Variants in PSMA4 observed in about 807,000 individuals in gnomAD.
The protein encoded by PSMA4 is proteasome 20S subunit alpha 4.
A neutral mutation model predicts 37.2 loss-of-function variants in PSMA4; 8 were observed. The ratio of observed to expected loss-of-function variants is 0.22; its 90% CI spans 0.13 to 0.39. PSMA4 has a LOEUF of 0.39. Ranked by LOEUF, PSMA4 falls within the 10% of genes least tolerant of loss-of-function variation. The pLI, the probability that PSMA4 is intolerant of heterozygous loss-of-function variation, is 1.00. For synonymous variants in PSMA4, 93 were observed against 98.8 expected, an observed-to-expected ratio of 0.94 and a Z score of 0.35; for missense variants, 169 against 305.1, an observed-to-expected ratio of 0.55 and a Z score of 3.32.
intron 8 of PSMA4, among the ~76,000 whole-genome samples, chr15:78,548,124 A>G (rs113317938): frequency 0.03 from 4,518 of 151,972 alleles, 238 homozygotes; most frequent in African/African-American, 0.1. Flanking sequence ...CCTGCTACTC[A>G]GGAGGCTGAA....
intron 7 of PSMA4, among the ~76,000 whole-genome samples, chr15:78,546,239 T>G (rs1188904629): frequency 6.6e-6 from 1 of 151,920 alleles, no homozygotes; most frequent in Non-Finnish European, 1.5e-5. Flanking sequence ...AGCTCAGGAG[T>G]TCGAGACCAG....
rs2052458963 is a variant in PSMA4 at position 78,541,870 on chromosome 15, C to G, written c.-23-35C>G. Reference sequence around the variant, plus strand: ...AGCAAATGCTTTTTAATTTGTGAATCTTATTTTAATGATGATCTGATTTTC... The same window carrying G: ...AGCAAATGCTTTTTAATTTGTGAATGTTATTTTAATGATGATCTGATTTTC... On this transcript the variant is annotated intron_variant, in intron 1 of 8. Transcript: ENST00000044462. The G allele has an allele frequency of 6.0e-6, 9 of 1,497,916 alleles. No homozygotes were observed. The South Asian group carries it at 9.1e-5, about 15-fold the overall frequency. The allele number at this position is 1,497,916 out of a possible 1,614,324, so 92.8% of individuals were successfully genotyped here. A position where few individuals can be genotyped will look rare whatever the true frequency, so the allele number is the denominator to read the frequency against.
At position 78,551,661 on chromosome 15, in the gene PSMA4, G is replaced by A. The variant is rs1318163054; in HGVS notation, c.*2717G>A. 7 of 151,678 alleles carry A rather than the reference G, an allele frequency of 4.6e-5. No individual in the cohort carries two copies. Among genetic ancestry groups the A allele is most frequent in the Non-Finnish European group, 7.4e-5 (5 of 67,980 alleles). The allele number at this position is 151,678 out of a possible 1,614,324, so 9.4% of individuals were successfully genotyped here. A position where few individuals can be genotyped will look rare whatever the true frequency, so the allele number is the denominator to read the frequency against. On this transcript the variant is annotated 3_prime_UTR_variant, in exon 9 of 9. Transcript: ENST00000044462. The stretch of plus-strand genomic sequence containing the variant: ...AGTACTTTGTTTTCATTCAATAGTC[G>A]TGTCTCGGTACCTAGAACAGAAACT...
intron 1 of PSMA4, chr15:78,541,220 A>G (rs1323175184): frequency 2.6e-5 from 4 of 152,010 alleles, no homozygotes. Flanking sequence ...CCTATATTCC[A>G]GTATTTGGAA....
intron 1 of PSMA4, chr15:78,541,395 CTCTG>C (rs2052449815): frequency 1.3e-5 from 2 of 158,728 alleles, no homozygotes; most frequent in African/African-American, 4.8e-5. Flanking sequence ...GCTTTCAAGG[CTCTG>C]CGTGATTTGG....
chr15:78,545,261 A>G (rs974208452), intron 6 of PSMA4, among the ~76,000 whole-genome samples: 1 of 152,250 alleles, frequency 6.6e-6, no homozygotes, highest in Non-Finnish European at 1.5e-5. Flanking sequence ...CTACAGTAGT[A>G]TAGAACACTA....
rs2052539281 is a variant in PSMA4, at chr15:78,545,665, C to T, written c.408C>T (p.Tyr136=). 4 of 1,613,988 alleles carry T rather than the reference C, an allele frequency of 2.5e-6. No homozygotes were observed. Among genetic ancestry groups the T allele is most frequent in the Non-Finnish European group, 3.4e-6 (4 of 1,179,888 alleles). Residue 136 remains tyrosine, a synonymous_variant, in exon 7 of 9, where the codon TAC becomes TAT. Transcript: ENST00000044462. ...GKRPFGVSLL[Y]IGWDKHYGFQ... is the part of the protein sequence containing the mutation. ...GTCCCTTTGGTGTTTCATTGCTGTA[C>T]ATTGGCTGGGATAAGCACTATGGCT...
In PSMA4 at chr15:78,549,607, G is replaced by A. The variant is rs930605065; in HGVS notation, c.*663G>A. 7.9e-5 allele frequency: 12 copies of A among 152,232 alleles called. No homozygotes were observed. Among genetic ancestry groups the A allele is most frequent in the African/African-American group, 2.9e-4 (12 of 41,466 alleles). The allele number at this position is 152,232 out of a possible 1,614,324, so 9.4% of individuals were successfully genotyped here. A position where few individuals can be genotyped will look rare whatever the true frequency, so the allele number is the denominator to read the frequency against. On this transcript the variant is annotated 3_prime_UTR_variant, in exon 9 of 9. Coordinates refer to ENST00000044462, the MANE Select transcript of PSMA4 (RefSeq NM_002789.6). ...ATGACAGAAGTGATACAGGGCAGTG[G>A]TACTTAATGCGTAGCCATGGTGCTT...
chr15:78,544,141 C>A, intron 4 of PSMA4, 49 bp from the exon 5 acceptor site: 1 of 1,402,542 alleles, frequency 7.1e-7, no homozygotes. Context: ...ATAAACACTC[C>A]TTGCAAGCAT....
At chr15:78,544,434 G>GC (rs1475093593) in intron 5 of PSMA4, 167 bp downstream of exon 5, 1 of 532,136 alleles carries the variant, frequency 1.9e-6, no homozygotes, top group Non-Finnish European at 3.3e-6. Flanking sequence ...TCCTGCCTCA[G>GC]CCTCCCAAGT....
At chr15:78,547,301 A>G (rs1040646506) in intron 8 of PSMA4, among the ~76,000 whole-genome samples, 1 of 152,192 alleles carries the variant, frequency 6.6e-6, no homozygotes, top group Non-Finnish European at 1.5e-5. Flanking sequence ...GCACTGTGCT[A>G]CTTTTAGTTA....
intron 8 of PSMA4, among the ~76,000 whole-genome samples, 192 bp downstream of exon 8, chr15:78,546,890 C>T (rs572242256): frequency 6.6e-6 from 1 of 152,054 alleles, no homozygotes; most frequent in African/African-American, 2.4e-5. Context: ...CTCAGCCTGC[C>T]GAGTAGCTGG....
chr15:78,547,474 A>T (rs2052573886), intron 8 of PSMA4, among the ~76,000 whole-genome samples: 1 of 152,178 alleles, frequency 6.6e-6, no homozygotes, highest in African/African-American at 2.4e-5. Flanking sequence ...TAATCTACTA[A>T]TCTCTTATTT....
At position 78,545,630 on chromosome 15, in the gene PSMA4, A is replaced by G. The variant is rs2052538728; in HGVS notation, c.377-4A>G. 1.9e-6 allele frequency: 3 copies of G among 1,613,530 alleles called. No individual in the cohort carries two copies. Among genetic ancestry groups the G allele is most frequent in the Non-Finnish European group, 2.5e-6 (3 of 1,179,658 alleles). On this transcript the variant is annotated splice_region_variant and splice_polypyrimidine_tract_variant and intron_variant, in intron 6 of 8. Coordinates refer to ENST00000044462, the MANE Select transcript of PSMA4 (RefSeq NM_002789.6). ...ATATGTTTGGCTTTTTTTCTTTGTT[A>G]AAGGAAAACGTCCCTTTGGTGTTTC...
chr15:78,546,408 C>T (rs2052553020), intron 7 of PSMA4, among the ~76,000 whole-genome samples, 167 bp from the exon 8 acceptor site: 1 of 150,564 alleles, frequency 6.6e-6, no homozygotes, highest in Non-Finnish European at 1.5e-5. Flanking sequence ...GAGATCATGC[C>T]ACTACACTCC....
At chr15:78,542,023 G>A in intron 2 of PSMA4, 93 bp downstream of exon 2, 3 of 1,503,950 alleles carry the variant, frequency 2.0e-6, no homozygotes, top group Non-Finnish European at 2.7e-6. Context: ...TGAAATAGAA[G>A]GAAAGCAGTG....
At position 78,541,895 on chromosome 15, in the gene PSMA4, C is replaced by A. The variant is rs763376178; in HGVS notation, c.-23-10C>A. On this transcript the variant is annotated splice_polypyrimidine_tract_variant and intron_variant, in intron 1 of 8. Transcript: ENST00000044462. ...CTTATTTTAATGATGATCTGATTTT[C>A]TTTTTACAGGAACTATATAAAGTTC... 6.4e-7 allele frequency: 1 copy of A among 1,564,850 alleles called. No individual in the cohort carries two copies. Among genetic ancestry groups the A allele is most frequent in the Non-Finnish European group, 8.8e-7 (1 of 1,138,346 alleles).
intron 8 of PSMA4, 62 bp downstream of exon 8, chr15:78,546,760 A>G: frequency 7.0e-7 from 1 of 1,436,790 alleles, no homozygotes; most frequent in Admixed American, 2.6e-5. Context: ...AGCTGTTAAG[A>G]TTTTTTTCTT....
At position 78,548,882 on chromosome 15, in the gene PSMA4, G is replaced by A. The variant is rs1171027406; in HGVS notation, c.724G>A (p.Glu242Lys). 1.9e-6 allele frequency: 3 copies of A among 1,612,426 alleles called. No individual in the cohort carries two copies. Among genetic ancestry groups the A allele is most frequent in the Admixed American group, 3.3e-5 (2 of 59,822 alleles). ...GGAGCAGTTGATCAAAAAACATGAG[G>A]AAGAAGAAGCCAAAGCTGAGCGTGA... ...EVEQLIKKHE[E>K]EEAKAEREKK... Residue 242 changes from glutamate (E) to lysine (K), a missense_variant, in exon 9 of 9, where the codon GAA becomes AAA. Glu to Lys is a moderately conservative substitution (Grantham distance 56). Transcript: ENST00000044462.
Sources: gnomAD v4.1 joint callset for allele counts (sites outside exome capture counted in the v4.1 genomes callset) on GRCh38, gnomAD v4.1.1 for gene constraint, MANE v1.5 for transcripts, NCBI Gene and HGNC (gene_info 2026-07-23, HGNC 2026-07-21) for gene names.